SEMA3F: variants seen among roughly 807,000 people sequenced by gnomAD.
SEMA3F encodes the protein semaphorin-3F.
Under a neutral mutation model 98.5 loss-of-function variants are expected in SEMA3F, and 30 were observed. The ratio of observed to expected loss-of-function variants is 0.30; its 90% CI spans 0.23 to 0.41. SEMA3F has a LOEUF of 0.41. SEMA3F is among the 10% of genes least tolerant of loss of function. The probability of loss-of-function intolerance (pLI) is 1.00; values close to 1 mark genes in which losing one functional copy is unlikely to be tolerated. For missense variants in SEMA3F, 866 were observed against 1,119.3 expected, an observed-to-expected ratio of 0.77 and a Z score of 3.23; for synonymous variants, 380 against 444.8, an observed-to-expected ratio of 0.85 and a Z score of 1.83.
Position 50,173,828 on chromosome 3 carries a change from T to C in SEMA3F, c.148T>C (p.Phe50Leu). ...CACAGGCACCGCCCACTTCTTCAAC[T>C]TCCTGCTCAACACAACCGACTACCG... ...KATGTAHFFN[F>L]LLNTTDYRIL... The change falls in exon 3 of 19, where the codon TTC (phenylalanine) becomes CTC (leucine). Residue 50 changes from phenylalanine to leucine, a missense_variant. Physicochemically the swap from Phe to Leu is conservative, Grantham distance 22. Around this residue, in one of 3 missense-constraint regions of SEMA3F, gnomAD observed 247 missense variants for 276.0 expected, o/e 0.89. Coordinates refer to ENST00000002829, the MANE Select transcript of SEMA3F (RefSeq NM_004186.5). 6.2e-7 allele frequency: 1 copy of C among 1,614,078 alleles called. No individual in the cohort carries two copies. The highest frequency in any genetic ancestry group is 1.1e-5 in the South Asian group (1 of 91,080).
In SEMA3F at chr3:50,155,599, G is replaced by A; in HGVS notation, c.-49+35G>A. The A allele has an allele frequency of 3.5e-6, 1 of 284,144 alleles. No homozygotes were observed. The highest frequency in any genetic ancestry group is 6.6e-6 in the Non-Finnish European group (1 of 152,472). 17.6% of individuals were successfully genotyped at this position (284,144 alleles called of 1,614,324 possible). ...GCGGGAACCGGGAGGGAGCGGGCAG[G>A]CGGCCGGGCCACCCCGCGACCCCTC... On this transcript the variant is annotated intron_variant, in intron 1 of 18. Transcript: ENST00000002829. This position sits in a 1 kb window ranked among gnomAD's most constrained non-coding sequence, Gnocchi z 4.9.
chr3:50,156,495 A>G lies in SEMA3F; in HGVS notation c.-49+931A>G, dbSNP rs923834124. The stretch of plus-strand genomic sequence containing the variant: ...AGTATGTCCACCCTGAAGCTGGGCC[A>G]GGTTGGGGACCTCTGTCCTCCTGAA... On this transcript the variant is annotated intron_variant, in intron 1 of 18. Coordinates refer to ENST00000002829, the MANE Select transcript of SEMA3F (RefSeq NM_004186.5). This position sits in a 1 kb window ranked among gnomAD's most constrained non-coding sequence, Gnocchi z 4.5. Among the ~76,000 whole-genome samples, 5 of 152,186 alleles carry G rather than the reference A, an allele frequency of 3.3e-5. No individual in the cohort carries two copies. The highest frequency in any genetic ancestry group is 6.5e-5 in the Admixed American group (1 of 15,290).
chr3:50,168,978 A>G (rs954587807), intron 2 of SEMA3F, among the ~76,000 whole-genome samples: 13 of 152,118 alleles, frequency 8.5e-5, no homozygotes, highest in Admixed American at 1.3e-4. Context: ...CAGAGGTCTG[A>G]GCTAGGCTGC....
At chr3:50,168,959 A>T (rs1052114259) in intron 2 of SEMA3F, among the ~76,000 whole-genome samples, 4 of 152,136 alleles carry the variant, frequency 2.6e-5, no homozygotes, top group Admixed American at 6.5e-5. Context: ...GCACTGGCTC[A>T]CTAGAGGTCA....
intron 2 of SEMA3F, among the ~76,000 whole-genome samples, chr3:50,161,011 T>C (rs1302041879): frequency 6.6e-6 from 1 of 152,134 alleles, no homozygotes; most frequent in Admixed American, 6.6e-5. Flanking sequence ...AGGTGAGATA[T>C]TTATTCTGCT....
At chr3:50,183,984 C>A (rs1699115904) in intron 12 of SEMA3F, among the ~76,000 whole-genome samples, 1 of 152,124 alleles carries the variant, frequency 6.6e-6, no homozygotes, top group Non-Finnish European at 1.5e-5. Flanking sequence ...GTGACACCGG[C>A]TGATGTGGGA....
At chr3:50,184,154 G>A (rs1699121357) in intron 12 of SEMA3F, 3 of 238,718 alleles carry the variant, frequency 1.3e-5, no homozygotes. Context: ...GGCCATGACG[G>A]GGGGCAGGCT....
chr3:50,182,556 T>TTAG lies in SEMA3F; in HGVS notation c.764-87_764-86insAGT. 2 of 1,581,706 alleles carry TTAG rather than the reference T, an allele frequency of 1.3e-6. No individual in the cohort carries two copies. The highest frequency in any genetic ancestry group is 4.5e-5 in the East Asian group (2 of 44,438). ...CTTATCTGGAGAGGAGTTGGGGGTG[T>TTAG]TCTTGCACCTGGCTGGGGATTCTGT... On this transcript the variant is annotated intron_variant, in intron 8 of 18. Coordinates refer to ENST00000002829, the MANE Select transcript of SEMA3F (RefSeq NM_004186.5). The surrounding 1 kb of genome is among the most constrained non-coding windows in gnomAD (Gnocchi z 4.5).
In SEMA3F at chr3:50,155,992, C is replaced by A. The variant is rs1253282955; in HGVS notation, c.-49+428C>A. On this transcript the variant is annotated intron_variant, in intron 1 of 18. Transcript: ENST00000002829. The surrounding 1 kb of genome is among the most constrained non-coding windows in gnomAD (Gnocchi z 4.9). The stretch of plus-strand genomic sequence containing the variant: ...CTACCTCAGTGTCTCTACTTGAGGA[C>A]TGGCCAGCCCGAAGGGAAGCGGTAT... 3 of 152,232 alleles carry A rather than the reference C, an allele frequency of 2.0e-5. No individual in the cohort carries two copies. The highest frequency in any genetic ancestry group is 2.9e-5 in the Non-Finnish European group (2 of 68,060). The allele number at this position is 152,232 out of a possible 1,614,324, so 9.4% of individuals were successfully genotyped here.
intron 2 of SEMA3F, among the ~76,000 whole-genome samples, chr3:50,167,509 C>T (rs1041586962): frequency 3.9e-5 from 6 of 152,184 alleles, no homozygotes; most frequent in East Asian, 3.9e-4. Context: ...AGCACTGGGG[C>T]GGAACGGGCG....
At position 50,182,679 on chromosome 3, in the gene SEMA3F, A is replaced by G. The variant is rs148950155; in HGVS notation, c.799A>G (p.Ser267Gly). 6.2e-7 allele frequency: 1 copy of G among 1,613,590 alleles called. No individual in the cohort carries two copies. Among genetic ancestry groups the G allele is most frequent in the African/African-American group, 1.3e-5 (1 of 74,954 alleles). ...CATCCATGCTGAGCTCATTCCTGAC[A>G]GTGCGGAGCGCAATGATGATAAGCT... ...SFIHAELIPDSAERNDDKLYF... is the reference protein window; with the variant it reads ...SFIHAELIPDGAERNDDKLYF... The change falls in exon 9 of 19, where the codon AGT becomes GGT. Residue 267 changes from serine (S) to glycine (G), a missense_variant. By Grantham distance (56) the Ser-to-Gly change is moderately conservative. Around this residue, in one of 3 missense-constraint regions of SEMA3F, gnomAD observed 374 missense variants for 582.8 expected, o/e 0.64. Transcript: ENST00000002829. This position sits in a 1 kb window ranked among gnomAD's most constrained non-coding sequence, Gnocchi z 4.5.
intron 17 of SEMA3F, 122 bp downstream of exon 17, chr3:50,186,470 T>C (rs1575410751): frequency 7.2e-7 from 1 of 1,395,546 alleles, no homozygotes; most frequent in Non-Finnish European, 1.0e-6. Context: ...GGGTGGGGGC[T>C]AATGGAGATG....
At chr3:50,184,157 G>T in intron 12 of SEMA3F, 1 of 238,352 alleles carries the variant, frequency 4.2e-6, no homozygotes, top group Non-Finnish European at 8.3e-6. Flanking sequence ...CATGACGGGG[G>T]GCAGGCTGAG....
At chr3:50,187,134 A>G (rs1414741437) in intron 18 of SEMA3F, among the ~76,000 whole-genome samples, 1 of 152,194 alleles carries the variant, frequency 6.6e-6, no homozygotes, top group East Asian at 1.9e-4. Context: ...TTCTCGTTAA[A>G]TGGAAATTCT....
At position 50,166,981 on chromosome 3, in the gene SEMA3F, A is replaced by G. The variant is rs923514114; in HGVS notation, c.113-6812A>G. On this transcript the variant is annotated intron_variant, in intron 2 of 18. Transcript: ENST00000002829. This position sits in a 1 kb window ranked among gnomAD's most constrained non-coding sequence, Gnocchi z 4.7. ...CCTTTTCACTCTCCCCACCTGAGAA[A>G]TGAATCAGTGCAGCCCTCCCCTTCA... Among the ~76,000 whole-genome samples, 2 of 152,054 alleles carry G rather than the reference A, an allele frequency of 1.3e-5. No individual in the cohort carries two copies. The highest frequency in any genetic ancestry group is 2.9e-5 in the Non-Finnish European group (2 of 67,990).
chr3:50,187,422 C>CAAAAAAAA (rs901489365), intron 18 of SEMA3F, among the ~76,000 whole-genome samples: 1 of 58,928 alleles, frequency 1.7e-5, no homozygotes. Flanking sequence ...GACCTTGTCT[C>CAAAAAAAA]AAAAAAAAAA....
At chr3:50,181,982 G>A (rs1160334607) in intron 7 of SEMA3F, among the ~76,000 whole-genome samples, 2 of 152,250 alleles carry the variant, frequency 1.3e-5, no homozygotes, top group African/African-American at 2.4e-5. Flanking sequence ...ATACTGTACA[G>A]TGGTGTTGGC....
At chr3:50,179,713 G>T (rs1698952552) in intron 7 of SEMA3F, among the ~76,000 whole-genome samples, 1 of 152,210 alleles carries the variant, frequency 6.6e-6, no homozygotes, top group Non-Finnish European at 1.5e-5. Context: ...AAAACTTGCT[G>T]CAGCTTCTCC....
rs763324240 is a variant in SEMA3F at position 50,185,498 on chromosome 3, G to A, written c.1512G>A (p.Glu504=). ...IVLPKDDQEL[E]ELMLEEVEVF... is the part of the protein sequence containing the mutation. ...TGCCCAAGGATGACCAGGAGTTGGA[G>A]GAGCTCATGCTGGAGGAGGTGGAGG... Residue 504 remains glutamate, a synonymous_variant, in exon 14 of 19, where the codon GAG becomes GAA. Coordinates refer to ENST00000002829, the MANE Select transcript of SEMA3F (RefSeq NM_004186.5). 1 of 1,613,948 alleles carries A rather than the reference G, an allele frequency of 6.2e-7. No individual in the cohort carries two copies. Among genetic ancestry groups the A allele is most frequent in the Admixed American group, 1.7e-5 (1 of 59,998 alleles).
Sources: allele counts gnomAD v4.1 joint callset (sites outside exome capture counted in the v4.1 genomes callset), GRCh38; gene constraint gnomAD v4.1.1; regional missense constraint gnomAD v4.1.1; non-coding constraint Gnocchi (gnomAD v3.1); transcripts MANE v1.5; gene names NCBI Gene and HGNC (gene_info 2026-07-23, HGNC 2026-07-21).